PRKCE: variants seen among roughly 807,000 people sequenced by gnomAD.
PRKCE encodes the protein protein kinase C epsilon, also known as protein kinase C epsilon type.
A neutral mutation model predicts 85.4 loss-of-function variants in PRKCE; 16 were observed. The ratio of observed to expected loss-of-function variants is 0.19; its 90% CI spans 0.13 to 0.28. PRKCE has a LOEUF of 0.28. Among genes scored for constraint, PRKCE ranks in the 10% least tolerant of loss-of-function variants. The pLI is 1.00. For missense variants in PRKCE, 573 were observed against 975.2 expected (o/e 0.59, Z 5.49); for synonymous variants, 388 against 371.5 (o/e 1.04, Z -0.51).
At chr2:45,926,434 G>T (rs962142448) in intron 2 of PRKCE, among the ~76,000 whole-genome samples, 1 of 152,148 alleles carries the variant, frequency 6.6e-6, no homozygotes, top group African/African-American at 2.4e-5. Context: ...CCATCCTCAG[G>T]ATCTTTTGTT....
chr2:46,020,573 C>G (rs1459912584), intron 10 of PRKCE, among the ~76,000 whole-genome samples: 2 of 152,174 alleles, frequency 1.3e-5, no homozygotes, highest in Non-Finnish European at 2.9e-5. Flanking sequence ...GGTATTCTGT[C>G]TCAGTAACAT....
intron 10 of PRKCE, among the ~76,000 whole-genome samples, chr2:46,036,464 C>A (rs991480195): frequency 6.6e-6 from 1 of 152,078 alleles, no homozygotes; most frequent in African/African-American, 2.4e-5. Flanking sequence ...GTGGTACATA[C>A]CTGTGGTCCC....
intron 10 of PRKCE, among the ~76,000 whole-genome samples, chr2:46,085,922 A>G (rs1669595952): frequency 6.6e-6 from 1 of 152,156 alleles, no homozygotes; most frequent in African/African-American, 2.4e-5. Flanking sequence ...TGACAACAAA[A>G]ATCAAAGATC....
chr2:45,883,485 T>C (rs1415371198), intron 2 of PRKCE, among the ~76,000 whole-genome samples: 1 of 152,240 alleles, frequency 6.6e-6, no homozygotes, highest in Non-Finnish European at 1.5e-5. Flanking sequence ...TTCCCCGTCG[T>C]GCTGGGGGCA....
rs182948617 is a variant in PRKCE, at chr2:45,669,040, A to C, written c.348+16592A>C. Among the ~76,000 whole-genome samples, 567 of 152,282 alleles carry C rather than the reference A, an allele frequency of 3.7e-3. 2 individuals carry two copies. Among genetic ancestry groups the C allele is most frequent in the Non-Finnish European group, 6.0e-3 (406 of 68,010 alleles). Reference sequence around the variant, plus strand: ...TCATTCTTTCACATTGTTGGGACTGAAGATTTAAAATTAATCTGTGGGTTT... The same window carrying C: ...TCATTCTTTCACATTGTTGGGACTGCAGATTTAAAATTAATCTGTGGGTTT... On this transcript the variant is annotated intron_variant, in intron 1 of 14. Transcript: ENST00000306156.
intron 10 of PRKCE, among the ~76,000 whole-genome samples, chr2:46,072,010 A>T (rs188689863): frequency 6.6e-6 from 1 of 152,318 alleles, no homozygotes; most frequent in East Asian, 1.9e-4. Flanking sequence ...CAGCACAACA[A>T]TGGTTCAACA....
At chr2:46,019,246 G>T (rs1706430492) in intron 10 of PRKCE, among the ~76,000 whole-genome samples, 1 of 152,198 alleles carries the variant, frequency 6.6e-6, no homozygotes, top group Non-Finnish European at 1.5e-5. Flanking sequence ...CCCCATGCCT[G>T]TATGAGTTTT....
At chr2:45,856,081 A>C (rs1318004550) in intron 2 of PRKCE, among the ~76,000 whole-genome samples, 1 of 152,142 alleles carries the variant, frequency 6.6e-6, no homozygotes, top group Non-Finnish European at 1.5e-5. Context: ...TTTTTTAAAA[A>C]ATTATAATCG....
In PRKCE at chr2:45,801,876, G is replaced by A. The variant is rs1480861229; in HGVS notation, c.349-41124G>A. Among the ~76,000 whole-genome samples the A allele has an allele frequency of 2.0e-5, 3 of 152,220 alleles. 1 individual carries two copies. The highest frequency in any genetic ancestry group is 2.0e-4 in the Admixed American group (3 of 15,290). On this transcript the variant is annotated intron_variant, in intron 1 of 14. Coordinates refer to ENST00000306156, the MANE Select transcript of PRKCE (RefSeq NM_005400.3). ...ATGTTGTGCTGATCCTAGCCTTGCT[G>A]CTGGGGTCAATTTTGCACTTCTCCT...
At chr2:46,161,873 G>A (rs1677803626) in intron 14 of PRKCE, among the ~76,000 whole-genome samples, 1 of 152,098 alleles carries the variant, frequency 6.6e-6, no homozygotes, top group Non-Finnish European at 1.5e-5. Context: ...GAGACTTTGA[G>A]CCAATGAAAG....
At chr2:45,979,155 C>T in intron 4 of PRKCE, 145 bp downstream of exon 4, 1 of 807,934 alleles carries the variant, frequency 1.2e-6, no homozygotes, top group South Asian at 1.6e-5. Flanking sequence ...TTGACCATTA[C>T]TTCTGCATAT....
intron 14 of PRKCE, chr2:46,167,941 C>T (rs1189281161): frequency 1.3e-5 from 2 of 152,188 alleles, no homozygotes; most frequent in African/African-American, 4.8e-5. Context: ...TATTTCTAAG[C>T]GAAACAGCCT....
chr2:46,123,214 CTTTTTTTT>C (rs70937991), intron 11 of PRKCE, among the ~76,000 whole-genome samples: 26 of 27,370 alleles, frequency 9.5e-4, no homozygotes, highest in Admixed American at 1.4e-3. Context: ...AAACACTTGC[CTTTTTTTT>C]TTTTTTTTTT....
chr2:46,043,657 G>A (rs1020619750), intron 10 of PRKCE, among the ~76,000 whole-genome samples: 2 of 152,132 alleles, frequency 1.3e-5, no homozygotes, highest in African/African-American at 4.8e-5. Flanking sequence ...GATGGAGCAG[G>A]GTTTTAGGCA....
chr2:46,055,029 C>G (rs1401304607), intron 10 of PRKCE, among the ~76,000 whole-genome samples: 1 of 152,166 alleles, frequency 6.6e-6, no homozygotes, highest in Non-Finnish European at 1.5e-5. Flanking sequence ...CAATAAAATC[C>G]CCCACATTTA....
At chr2:46,170,318 T>C (rs972676826) in intron 14 of PRKCE, among the ~76,000 whole-genome samples, 11 of 152,206 alleles carry the variant, frequency 7.2e-5, no homozygotes, top group Admixed American at 6.5e-4. Context: ...GTCTGCCTTC[T>C]TTCACTCAGC....
chr2:45,776,765 A>G (rs1685780490), intron 1 of PRKCE, among the ~76,000 whole-genome samples: 1 of 152,130 alleles, frequency 6.6e-6, no homozygotes, highest in African/African-American at 2.4e-5. Flanking sequence ...GGCCTTGGAG[A>G]AAACTGCTGG....
intron 6 of PRKCE, among the ~76,000 whole-genome samples, chr2:45,996,927 C>T (rs965733225): frequency 1.3e-5 from 2 of 152,094 alleles, no homozygotes; most frequent in Non-Finnish European, 2.9e-5. Context: ...AAGTGTTTGG[C>T]AGAATTCACC....
At chr2:45,797,073 T>C (rs6720975) in intron 1 of PRKCE, among the ~76,000 whole-genome samples, 104,105 of 152,118 alleles carry the variant, frequency 0.68, 37,204 homozygotes, top group African/African-American at 0.9. Context: ...ACAAAGCAGC[T>C]TTGGGAAGAG....
Sources: gnomAD v4.1 joint callset for allele counts (sites outside exome capture counted in the v4.1 genomes callset) on GRCh38, gnomAD v4.1.1 for gene constraint, MANE v1.5 for transcripts, NCBI Gene and HGNC (gene_info 2026-07-23, HGNC 2026-07-21) for gene names.